Variants in ADK observed in about 807,000 individuals in gnomAD.
The protein encoded by ADK is N6,N6-dimethyladenosine kinase.
Under a neutral mutation model 44.7 loss-of-function variants are expected in ADK, and 24 were observed. That is an observed-to-expected ratio of 0.54 (90% CI 0.39 to 0.76). The LOEUF (loss-of-function observed/expected upper bound fraction) is 0.76. Among genes scored for constraint, ADK ranks in the 30% least tolerant of loss-of-function variants. The pLI is 0.00. For missense variants in ADK, 321 were observed against 425.1 expected (o/e 0.76, Z 2.15); for synonymous variants, 128 against 142.6 (o/e 0.90, Z 0.73).
chr10:74,326,434 A>G (rs560038874), intron 4 of ADK, among the ~76,000 whole-genome samples: 34 of 104,004 alleles, frequency 3.3e-4, no homozygotes, highest in Admixed American at 3.1e-3. Flanking sequence ...GTTTCTACAA[A>G]AAAAAAAAAA....
intron 3 of ADK, among the ~76,000 whole-genome samples, chr10:74,257,243 G>A (rs889565307): frequency 1.5e-4 from 23 of 152,120 alleles, no homozygotes; most frequent in African/African-American, 5.6e-4. Context: ...CTACATAAAG[G>A]AAAAGTTGGC....
intron 2 of ADK, among the ~76,000 whole-genome samples, chr10:74,217,363 C>G (rs769365848): frequency 2.6e-5 from 4 of 152,234 alleles, no homozygotes; most frequent in African/African-American, 7.2e-5. Flanking sequence ...ACAAAGCAGC[C>G]GGGAAGCTCC....
In ADK at chr10:74,370,103, A is replaced by G. The variant is rs1227081378; in HGVS notation, c.274-24038A>G. Among the ~76,000 whole-genome samples the G allele has an allele frequency of 2.6e-5, 4 of 152,210 alleles. No homozygotes were observed. The East Asian group carries it at 7.7e-4, about 29-fold the overall frequency. Reference sequence around the variant, plus strand: ...GGAAGACCTTTACTCTGAAAACTGTAAAAACATTACTGAATGAAAATAAGT... The same window carrying G: ...GGAAGACCTTTACTCTGAAAACTGTGAAAACATTACTGAATGAAAATAAGT... On this transcript the variant is annotated intron_variant, in intron 4 of 10. Coordinates refer to ENST00000539909, the MANE Select transcript of ADK (RefSeq NM_006721.4).
At chr10:74,404,953 T>G (rs1450630838) in intron 6 of ADK, among the ~76,000 whole-genome samples, 2 of 152,192 alleles carry the variant, frequency 1.3e-5, no homozygotes, top group African/African-American at 4.8e-5. Flanking sequence ...TTTTTAGTTT[T>G]TATTATGTTT....
intron 7 of ADK, among the ~76,000 whole-genome samples, chr10:74,531,395 C>T (rs1849285677): frequency 6.6e-6 from 1 of 152,078 alleles, no homozygotes; most frequent in South Asian, 2.1e-4. Context: ...TGTTAAAAGA[C>T]ACAAAGTACT....
At chr10:74,384,868 A>G (rs1211336320) in intron 4 of ADK, among the ~76,000 whole-genome samples, 2 of 152,212 alleles carry the variant, frequency 1.3e-5, no homozygotes, top group African/African-American at 4.8e-5. Context: ...TAATGGTTCA[A>G]TCATAAAGTT....
chr10:74,297,874 A>G (rs1839873865), intron 3 of ADK, among the ~76,000 whole-genome samples: 1 of 152,160 alleles, frequency 6.6e-6, no homozygotes, highest in South Asian at 2.1e-4. Context: ...TGGAGTTGGC[A>G]TTTTCATTGC....
rs1297971817 is a variant in ADK at position 74,655,692 on chromosome 10, G to A, written c.878-14491G>A. 1.5e-5 allele frequency: 7 copies of A among 475,752 alleles called. No individual in the cohort carries two copies. The East Asian group carries it at 3.3e-4, about 22-fold the overall frequency. 29.5% of individuals were successfully genotyped at this position (475,752 alleles called of 1,614,324 possible). A position where few individuals can be genotyped will look rare whatever the true frequency, so the allele number is the denominator to read the frequency against. The stretch of plus-strand genomic sequence containing the variant: ...GGGCCTCCCGAAGGACATATCCGTG[G>A]CAGAGCTGCCCAGGGAGCTGAGCCT... On this transcript the variant is annotated intron_variant, in intron 9 of 10. Coordinates refer to ENST00000539909, the MANE Select transcript of ADK (RefSeq NM_006721.4).
chr10:74,608,267 TC>T (rs1852410629), intron 9 of ADK, among the ~76,000 whole-genome samples: 2 of 152,006 alleles, frequency 1.3e-5, no homozygotes, highest in African/African-American at 4.8e-5. Flanking sequence ...GCAGTTTTGT[TC>T]CCTTGCTGGT....
At chr10:74,282,958 A>G (rs912226813) in intron 3 of ADK, among the ~76,000 whole-genome samples, 1 of 152,160 alleles carries the variant, frequency 6.6e-6, no homozygotes, top group Non-Finnish European at 1.5e-5. Context: ...CTGGATGACA[A>G]TGGTAGGTTC....
intron 3 of ADK, among the ~76,000 whole-genome samples, chr10:74,259,220 C>T (rs889486115): frequency 6.6e-6 from 1 of 151,700 alleles, no homozygotes; most frequent in Non-Finnish European, 1.5e-5. Context: ...GTTGGGATTA[C>T]AGGTGTGAGC....
At chr10:74,455,162 AT>A (rs1401137944) in intron 6 of ADK, among the ~76,000 whole-genome samples, 2 of 152,164 alleles carry the variant, frequency 1.3e-5, no homozygotes, top group African/African-American at 4.8e-5. Context: ...TATAAATTGT[AT>A]GGAACAGTGC....
At chr10:74,304,703 A>G (rs935057178) in intron 3 of ADK, among the ~76,000 whole-genome samples, 1 of 152,230 alleles carries the variant, frequency 6.6e-6, no homozygotes, top group Non-Finnish European at 1.5e-5. Flanking sequence ...AAATTTGTAT[A>G]GGTTGGTAGT....
At chr10:74,152,168 A>G (rs796857343) in intron 1 of ADK, among the ~76,000 whole-genome samples, 13 of 152,320 alleles carry the variant, frequency 8.5e-5, no homozygotes, top group African/African-American at 2.9e-4. Flanking sequence ...CTGATTAAAC[A>G]GGACATATCC....
chr10:74,417,427 C>T (rs1243275285), intron 6 of ADK, among the ~76,000 whole-genome samples: 2 of 152,094 alleles, frequency 1.3e-5, no homozygotes, highest in Non-Finnish European at 2.9e-5. Flanking sequence ...AGTGTTTTCA[C>T]ATCCTCAGAT....
intron 3 of ADK, among the ~76,000 whole-genome samples, chr10:74,279,576 C>T (rs1034763690): frequency 4.8e-5 from 7 of 146,086 alleles, no homozygotes; most frequent in African/African-American, 1.8e-4. Context: ...GAGACTTCAT[C>T]TCAAAAAAAA....
intron 6 of ADK, among the ~76,000 whole-genome samples, chr10:74,425,465 C>T (rs1475832292): frequency 3.3e-5 from 5 of 152,020 alleles, no homozygotes; most frequent in African/African-American, 1.2e-4. Flanking sequence ...ATCCCCTAAA[C>T]CTTGGGTTCA....
intron 9 of ADK, among the ~76,000 whole-genome samples, chr10:74,667,228 CAG>C (rs1022821349): frequency 4.6e-5 from 7 of 152,182 alleles, no homozygotes; most frequent in East Asian, 3.9e-4. Flanking sequence ...GAAGATTTTT[CAG>C]AGTCATCATT....
chr10:74,498,770 G>T (rs1047235133), intron 6 of ADK, among the ~76,000 whole-genome samples: 1 of 152,052 alleles, frequency 6.6e-6, no homozygotes, highest in Non-Finnish European at 1.5e-5. Flanking sequence ...GTGAGAACAT[G>T]TACACTATTC....
Sources: gnomAD v4.1 joint callset for allele counts (sites outside exome capture counted in the v4.1 genomes callset) on GRCh38, gnomAD v4.1.1 for gene constraint, MANE v1.5 for transcripts, NCBI Gene and HGNC (gene_info 2026-07-23, HGNC 2026-07-21) for gene names.